The following HSPB6 variants were observed in gnomAD, a reference collection of about 807,000 sequenced individuals.
HSPB6 encodes heat shock protein family B (small) member 6, also known as heat shock protein beta-6.
HSPB6 carries 8 observed loss-of-function variants against 10.7 expected under a neutral mutation model. That is an observed-to-expected ratio of 0.75 (90% CI 0.44 to 1.35). HSPB6 has a LOEUF of 1.35. Among genes scored for constraint, HSPB6 ranks in the 40% most tolerant of loss-of-function variants. HSPB6 has a pLI of 0.00. For synonymous variants in HSPB6, 128 were observed against 114.2 expected, an observed-to-expected ratio of 1.12 and a Z score of -0.77; for missense variants, 232 against 236.0, an observed-to-expected ratio of 0.98 and a Z score of 0.11.
rs751128090 is a variant in HSPB6 at position 35,755,369 on chromosome 19, C to T, written c.*153G>A. The T allele has an allele frequency of 1.3e-6, 1 of 789,696 alleles. No homozygotes were observed. The highest frequency in any genetic ancestry group is 2.1e-6 in the Non-Finnish European group (1 of 468,972). 48.9% of individuals were successfully genotyped at this position (789,696 alleles called of 1,614,324 possible). On this transcript the variant is annotated 3_prime_UTR_variant, in exon 3 of 3. Coordinates refer to ENST00000004982, the MANE Select transcript of HSPB6 (RefSeq NM_144617.3). ...AGTGGAAGGGTCTATGTTATCAAGGCAGTGTCCAGGATGGAGGTCAGGGCA... is the reference window on the plus strand; with the variant it reads ...AGTGGAAGGGTCTATGTTATCAAGGTAGTGTCCAGGATGGAGGTCAGGGCA...
chr19:35,756,106 T>TC (rs1970750079), intron 1 of HSPB6, among the ~76,000 whole-genome samples: 1 of 151,880 alleles, frequency 6.6e-6, no homozygotes, highest in Non-Finnish European at 1.5e-5. Context: ...GATTGCCCTC[T>TC]CCCCCGCAGT....
Position 35,755,517 on chromosome 19 carries a change from C to T in HSPB6, c.*5G>A, listed in dbSNP as rs11549030. On this transcript the variant is annotated 3_prime_UTR_variant, in exon 3 of 3. Coordinates refer to ENST00000004982, the MANE Select transcript of HSPB6 (RefSeq NM_144617.3). ...CCCGGGGTGCGGGCGCGGCCCAGCC[C>T]CCTCCTACTTGGCTGCGGCTGGCGG... The T allele has an allele frequency of 6.6e-7, 1 of 1,511,236 alleles. No homozygotes were observed. The highest frequency in any genetic ancestry group is 8.8e-7 in the Non-Finnish European group (1 of 1,135,324). The allele number at this position is 1,511,236 out of a possible 1,614,324, so 93.6% of individuals were successfully genotyped here. A position where few individuals can be genotyped will look rare whatever the true frequency, so the allele number is the denominator to read the frequency against.
chr19:35,756,467 ATTCC>A (rs1970758326), intron 1 of HSPB6, among the ~76,000 whole-genome samples: 2 of 151,918 alleles, frequency 1.3e-5, no homozygotes, highest in African/African-American at 4.8e-5. Context: ...GACTAAGAAC[ATTCC>A]TTCCCCTCAG....
intron 1 of HSPB6, 68 bp from the exon 2 acceptor site, chr19:35,755,962 AC>A: frequency 5.3e-6 from 8 of 1,512,024 alleles, no homozygotes; most frequent in Non-Finnish European, 7.1e-6. Context: ...ACCCAGGGAG[AC>A]CCCACCCCCG....
Position 35,755,615 on chromosome 19 carries a change from AGCC to A in HSPB6, c.387_389del (p.Ala131del). 6.5e-7 allele frequency: 1 copy of A among 1,532,440 alleles called. No individual in the cohort carries two copies. Among genetic ancestry groups the A allele is most frequent in the Non-Finnish European group, 8.7e-7 (1 of 1,144,306 alleles). 94.9% of individuals were successfully genotyped at this position (1,532,440 alleles called of 1,614,324 possible). A position where few individuals can be genotyped will look rare whatever the true frequency, so the allele number is the denominator to read the frequency against. Reference sequence around the variant, plus strand: ...CGGGGGACAGCGCGGACGTCACGGCAGCCGGATCCACGCCAGGCGGCAGGCGGT... The same window carrying A: ...CGGGGGACAGCGCGGACGTCACGGCAGGATCCACGCCAGGCGGCAGGCGGT... On this transcript the variant is annotated inframe_deletion, in exon 3 of 3. Coordinates refer to ENST00000004982, the MANE Select transcript of HSPB6 (RefSeq NM_144617.3).
Position 35,756,957 on chromosome 19 carries a change from G to A in HSPB6, c.52C>T (p.Pro18Ser), listed in dbSNP as rs1970772272. 4 of 1,544,524 alleles carry A rather than the reference G, an allele frequency of 2.6e-6. No homozygotes were observed. The highest frequency in any genetic ancestry group is 3.5e-6 in the Non-Finnish European group (4 of 1,146,600). Residue 18 changes from proline (P) to serine (S), a missense_variant, in exon 1 of 3, where the codon CCG becomes TCG. Transcript: ENST00000004982. ...QPSWLRRASA[P>S]LPGLSAPGRL... ...CCGGGCGCCGAAAGTCCGGGCAACGGGGCCGAGGCGCGGCGCAGCCAAGAC... is the reference window on the plus strand; with the variant it reads ...CCGGGCGCCGAAAGTCCGGGCAACGAGGCCGAGGCGCGGCGCAGCCAAGAC...
In HSPB6 at chr19:35,756,927, G is replaced by A; in HGVS notation, c.82C>T (p.Leu28Phe). ...PLPGLSAPGRLFDQRFGEGLL... is the reference protein window; with the variant it reads ...PLPGLSAPGRFFDQRFGEGLL... ...CCCTCGCCGAAGCGCTGGTCAAAGAGGCGTCCGGGCGCCGAAAGTCCGGGC... is the reference window on the plus strand; with the variant it reads ...CCCTCGCCGAAGCGCTGGTCAAAGAAGCGTCCGGGCGCCGAAAGTCCGGGC... The change falls in exon 1 of 3, where the codon CTC (leucine) becomes TTC (phenylalanine). Residue 28 changes from leucine (L) to phenylalanine (F), a missense_variant. Transcript: ENST00000004982. 6.5e-7 allele frequency: 1 copy of A among 1,542,264 alleles called. No homozygotes were observed. The highest frequency in any genetic ancestry group is 2.4e-5 in the East Asian group (1 of 40,898).
Position 35,755,715 on chromosome 19 carries a change from C to A in HSPB6, c.322-32G>T, listed in dbSNP as rs1387697432. 2.6e-6 allele frequency: 4 copies of A among 1,524,528 alleles called. No homozygotes were observed. In the South Asian group the frequency reaches 3.7e-5, roughly 14 times the overall value. The allele number at this position is 1,524,528 out of a possible 1,614,324, so 94.4% of individuals were successfully genotyped here. A position where few individuals can be genotyped will look rare whatever the true frequency, so the allele number is the denominator to read the frequency against. ...GGGAGGGAGGCTTGAGCGGCCCCGC[C>A]CCTCCGGCCCGGCGGCGAGCGTACC... On this transcript the variant is annotated intron_variant, in intron 2 of 2. Transcript: ENST00000004982.
In HSPB6 at chr19:35,756,852, AG is replaced by A; in HGVS notation, c.156del (p.Tyr53ThrfsTer26). ...LAALCPTTLA[P>X]YYLRAPSVAL... ...GCCACGCTGGGTGCGCGCAGGTAGT[AG>A]GGGGCGAGCGTGGTGGGGCAGAGCG... On this transcript the variant is annotated frameshift_variant, in exon 1 of 3. Coordinates refer to ENST00000004982, the MANE Select transcript of HSPB6 (RefSeq NM_144617.3). LOFTEE classifies it high-confidence loss of function. The A allele has an allele frequency of 6.5e-7, 1 of 1,537,540 alleles. No individual in the cohort carries two copies.
rs1474937035 is a variant in HSPB6, at chr19:35,756,982, C to G, written c.27G>C (p.Pro9=). Residue 9 remains proline, a synonymous_variant, in exon 1 of 3, where the codon CCG becomes CCC. Transcript: ENST00000004982. ...GGGCCGAGGCGCGGCGCAGCCAAGA[C>G]GGCTGCACAGGCACAGGGATCTCCA... The part of the protein sequence containing the change: MEIPVPVQ[P]SWLRRASAPL... 6.5e-7 allele frequency: 1 copy of G among 1,545,704 alleles called. No individual in the cohort carries two copies. Among genetic ancestry groups the G allele is most frequent in the Non-Finnish European group, 8.7e-7 (1 of 1,146,732 alleles).
At chr19:35,756,313 C>A (rs1394938119) in intron 1 of HSPB6, among the ~76,000 whole-genome samples, 1 of 152,122 alleles carries the variant, frequency 6.6e-6, no homozygotes, top group Admixed American at 6.5e-5. Context: ...TACTCTCCCA[C>A]TCGAGTCACG....
At position 35,754,663 on chromosome 19, in the gene HSPB6, T is replaced by A. The variant is rs1970730764; in HGVS notation, c.*859A>T. 1.6e-6 allele frequency: 1 copy of A among 634,352 alleles called. No individual in the cohort carries two copies. Among genetic ancestry groups the A allele is most frequent in the African/African-American group, 1.8e-5 (1 of 54,998 alleles). 39.3% of individuals were successfully genotyped at this position (634,352 alleles called of 1,614,324 possible). The stretch of plus-strand genomic sequence containing the variant: ...GGCTGTGGGGAATCAGAGCGGGTGC[T>A]CAGTTGGGTCTTGAAGGAGAAGAGG... On this transcript the variant is annotated 3_prime_UTR_variant, in exon 3 of 3. Transcript: ENST00000004982.
chr19:35,756,599 C>T (rs566302023), intron 1 of HSPB6, among the ~76,000 whole-genome samples: 33 of 152,298 alleles, frequency 2.2e-4, no homozygotes, highest in South Asian at 6.2e-4. Flanking sequence ...TGAGAGCCCC[C>T]CACCCCGCCC....
intron 1 of HSPB6, among the ~76,000 whole-genome samples, chr19:35,756,201 C>T (rs972351883): frequency 6.6e-6 from 1 of 151,992 alleles, no homozygotes; most frequent in Admixed American, 6.5e-5. Context: ...CCCCCCAGGG[C>T]ACTGATTCCC....
intron 1 of HSPB6, among the ~76,000 whole-genome samples, chr19:35,756,466 C>T (rs1384033119): frequency 6.6e-6 from 1 of 152,218 alleles, no homozygotes; most frequent in Non-Finnish European, 1.5e-5. Context: ...AGACTAAGAA[C>T]ATTCCTTCCC....
intron 1 of HSPB6, among the ~76,000 whole-genome samples, chr19:35,756,178 C>T (rs537520297): frequency 6.6e-6 from 1 of 152,134 alleles, no homozygotes; most frequent in South Asian, 2.1e-4. Context: ...TCAGCGAATC[C>T]GAAGTCATCG....
chr19:35,756,207 T>G (rs1453157062), intron 1 of HSPB6, among the ~76,000 whole-genome samples: 1 of 151,808 alleles, frequency 6.6e-6, no homozygotes, highest in African/African-American at 2.4e-5. Flanking sequence ...AGGGCACTGA[T>G]TCCCCAGCTC....
At position 35,755,548 on chromosome 19, in the gene HSPB6, C is replaced by A. The variant is rs1201722656; in HGVS notation, c.457G>T (p.Ala153Ser). 7.2e-7 allele frequency: 1 copy of A among 1,388,602 alleles called. No individual in the cohort carries two copies. Among genetic ancestry groups the A allele is most frequent in the East Asian group, 3.4e-5 (1 of 29,758 alleles). 86.0% of individuals were successfully genotyped at this position (1,388,602 alleles called of 1,614,324 possible). ...SIQAAPASAQ[A>S]PPPAAAK is the part of the protein sequence containing the mutation. ...TACTTGGCTGCGGCTGGCGGTGGGGCCTGGGCCGACGCTGGTGCGGCCTGG... is the reference window on the plus strand; with the variant it reads ...TACTTGGCTGCGGCTGGCGGTGGGGACTGGGCCGACGCTGGTGCGGCCTGG... The change falls in exon 3 of 3, where the codon GCC becomes TCC. Residue 153 changes from alanine (A) to serine (S), a missense_variant. By Grantham distance (99) the Ala-to-Ser change is moderately conservative. Transcript: ENST00000004982.
Position 35,755,371 on chromosome 19 carries a change from G to A in HSPB6, c.*151C>T. On this transcript the variant is annotated 3_prime_UTR_variant, in exon 3 of 3. Transcript: ENST00000004982. ...TGGAAGGGTCTATGTTATCAAGGCA[G>A]TGTCCAGGATGGAGGTCAGGGCAGA... The A allele has an allele frequency of 1.3e-6, 1 of 796,758 alleles. No individual in the cohort carries two copies. The highest frequency in any genetic ancestry group is 2.1e-6 in the Non-Finnish European group (1 of 475,042). The allele number at this position is 796,758 out of a possible 1,614,324, so 49.4% of individuals were successfully genotyped here.
Sources: allele counts gnomAD v4.1 joint callset (sites outside exome capture counted in the v4.1 genomes callset), GRCh38; gene constraint gnomAD v4.1.1; transcripts MANE v1.5; gene names NCBI Gene and HGNC (gene_info 2026-07-23, HGNC 2026-07-21).